The following LINGO2 variants were observed in gnomAD, a reference collection of about 807,000 sequenced individuals.
The protein encoded by LINGO2 is leucine rich repeat and Ig domain containing 2, also known as leucine-rich repeat and immunoglobulin-like domain-containing nogo receptor-interacting protein 2.
Under a neutral mutation model 30.6 loss-of-function variants are expected in LINGO2, and 14 were observed. That is an observed-to-expected ratio of 0.46 (90% confidence interval 0.30 to 0.72). LINGO2 has a LOEUF of 0.72. Ranked by LOEUF, LINGO2 falls within the 30% of genes least tolerant of loss-of-function variation. LINGO2 has a pLI of 0.07. For missense variants in LINGO2, 729 were observed against 751.7 expected, an observed-to-expected ratio of 0.97 and a Z score of 0.35; for synonymous variants, 317 against 288.5, an observed-to-expected ratio of 1.10 and a Z score of -1.00.
At chr9:28,152,301 GTCTC>G (rs5897277) in intron 4 of LINGO2, among the ~76,000 whole-genome samples, 3 of 150,212 alleles carry the variant, frequency 2.0e-5, no homozygotes, top group Non-Finnish European at 3.0e-5. Flanking sequence ...GGCAACTCTT[GTCTC>G]TCTCTCTCTC....
At chr9:28,323,122 A>G (rs1825107091) in intron 3 of LINGO2, among the ~76,000 whole-genome samples, 1 of 152,192 alleles carries the variant, frequency 6.6e-6, no homozygotes, top group African/African-American at 2.4e-5. Context: ...GTGGTTTATT[A>G]TTATGCCACC....
chr9:28,110,651 AC>A (rs1230204117), intron 4 of LINGO2, among the ~76,000 whole-genome samples: 1 of 152,164 alleles, frequency 6.6e-6, no homozygotes, highest in African/African-American at 2.4e-5. Flanking sequence ...ATCATCACTG[AC>A]CATCAGAGAA....
Position 28,308,757 on chromosome 9 carries a change from A to C in LINGO2, c.-245-13391T>G, listed in dbSNP as rs199922426. Among the ~76,000 whole-genome samples, 2,289 of 151,648 alleles carry C rather than the reference A, an allele frequency of 0.015. 104 individuals are homozygous for C. In the East Asian group the frequency reaches 0.17, roughly 11 times the overall value. On this transcript the variant is annotated intron_variant, in intron 3 of 5. Transcript: ENST00000379992. ...CAAGAAAAAAACAAACAACCCCATC[A>C]AAAAGTGGGTGAAGGACATGAACAG...
the LINGO2 span, among the ~76,000 whole-genome samples, chr9:28,982,913 A>G: frequency 6.6e-6 from 1 of 151,978 alleles, no homozygotes; most frequent in Admixed American, 6.6e-5. Context: ...GCTGAAATGT[A>G]TCTCCATTTG....
At chr9:28,143,349 A>T (rs112726608) in intron 4 of LINGO2, among the ~76,000 whole-genome samples, 1 of 152,192 alleles carries the variant, frequency 6.6e-6, no homozygotes, top group Non-Finnish European at 1.5e-5. Context: ...TTCCAATTCT[A>T]AGAGTCATTG....
chr9:29,193,159 CA>C, the LINGO2 span, among the ~76,000 whole-genome samples: 62 of 152,262 alleles, frequency 4.1e-4, 1 homozygote, highest in Middle Eastern at 6.8e-3. Context: ...TATTTACATC[CA>C]AACACACCAA....
intron 5 of LINGO2, among the ~76,000 whole-genome samples, chr9:28,010,893 G>C (rs933654246): frequency 6.6e-6 from 1 of 152,210 alleles, no homozygotes; most frequent in Admixed American, 6.5e-5. Context: ...AAGAGTTCGA[G>C]GCTGCAGTGA....
intron 2 of LINGO2, among the ~76,000 whole-genome samples, chr9:28,433,915 C>CTA (rs1823787037): frequency 1.9e-5 from 1 of 53,128 alleles, no homozygotes; most frequent in African/African-American, 7.3e-5. Flanking sequence ...AGAAAATGTG[C>CTA]TCTCTCTTTC....
At chr9:28,770,994 G>A in the LINGO2 span, among the ~76,000 whole-genome samples, 3 of 152,266 alleles carry the variant, frequency 2.0e-5, no homozygotes, top group Non-Finnish European at 4.4e-5. Flanking sequence ...AACTCTAAGT[G>A]TTCTCATTAG....
At chr9:29,064,465 G>A in the LINGO2 span, among the ~76,000 whole-genome samples, 2 of 151,930 alleles carry the variant, frequency 1.3e-5, no homozygotes, top group East Asian at 3.9e-4. Flanking sequence ...ACAGCATCAT[G>A]GTCTACAGAA....
At chr9:27,971,200 CCTCT>C (rs1410046442) in intron 5 of LINGO2, among the ~76,000 whole-genome samples, 1 of 150,944 alleles carries the variant, frequency 6.6e-6, no homozygotes, top group African/African-American at 2.4e-5. Flanking sequence ...CCTCCTATTC[CCTCT>C]ATTTTCACTT....
intron 1 of LINGO2, among the ~76,000 whole-genome samples, chr9:28,548,881 C>T (rs535347690): frequency 1.3e-5 from 2 of 151,748 alleles, no homozygotes; most frequent in African/African-American, 4.8e-5. Context: ...TTCTTAAATA[C>T]ATTTATTCAT....
intron 1 of LINGO2, among the ~76,000 whole-genome samples, chr9:28,598,067 T>A (rs1355561382): frequency 2.0e-5 from 3 of 152,146 alleles, no homozygotes; most frequent in Non-Finnish European, 4.4e-5. Flanking sequence ...GCCCAGCCTA[T>A]TTTGTATTTT....
At chr9:28,096,117 A>G (rs1301273919) in intron 4 of LINGO2, among the ~76,000 whole-genome samples, 1 of 152,152 alleles carries the variant, frequency 6.6e-6, no homozygotes, top group African/African-American at 2.4e-5. Flanking sequence ...CTCCAGCCTG[A>G]GTGACAGAGC....
At chr9:28,376,023 A>G (rs1353622238) in intron 2 of LINGO2, among the ~76,000 whole-genome samples, 2 of 152,082 alleles carry the variant, frequency 1.3e-5, no homozygotes, top group African/African-American at 2.4e-5. Flanking sequence ...CTATTACACA[A>G]TAAGGGCAGA....
At chr9:28,384,992 C>T (rs953705725) in intron 2 of LINGO2, among the ~76,000 whole-genome samples, 18 of 152,062 alleles carry the variant, frequency 1.2e-4, no homozygotes, top group African/African-American at 4.1e-4. Context: ...TGGGTGTGAT[C>T]TATTTACTCC....
the LINGO2 span, among the ~76,000 whole-genome samples, chr9:28,716,825 C>T: frequency 6.6e-6 from 1 of 151,956 alleles, no homozygotes; most frequent in Non-Finnish European, 1.5e-5. Flanking sequence ...CAGATATATG[C>T]TATTAAACTT....
intron 1 of LINGO2, among the ~76,000 whole-genome samples, chr9:28,481,127 G>T (rs1007006166): frequency 2.0e-5 from 3 of 152,070 alleles, no homozygotes; most frequent in African/African-American, 2.4e-5. Flanking sequence ...TGGGCTCAAA[G>T]TCTTCAAATG....
chr9:29,016,363 T>C, the LINGO2 span, among the ~76,000 whole-genome samples: 1 of 152,176 alleles, frequency 6.6e-6, no homozygotes, highest in Non-Finnish European at 1.5e-5. Context: ...TAACTCTCAA[T>C]ATGAGACCAT....
Sources: gnomAD v4.1 joint callset for allele counts (sites outside exome capture counted in the v4.1 genomes callset) on GRCh38, gnomAD v4.1.1 for gene constraint, MANE v1.5 for transcripts, NCBI Gene and HGNC (gene_info 2026-07-23, HGNC 2026-07-21) for gene names.